The following FGGY variants were observed in gnomAD, a reference collection of about 807,000 sequenced individuals.
FGGY encodes the protein FGGY carbohydrate kinase domain containing.
In FGGY, 72 loss-of-function variants were observed where a neutral mutation model predicts 71.3. The ratio of observed to expected loss-of-function variants is 1.01; its 90% CI spans 0.84 to 1.23. FGGY has a LOEUF of 1.23. Among genes scored for constraint, FGGY ranks in the 50% most tolerant of loss-of-function variants. FGGY has a pLI of 0.00. For synonymous variants in FGGY, 251 were observed against 250.3 expected (o/e 1.00, Z -0.02); for missense variants, 668 against 682.3 (o/e 0.98, Z 0.23).
chr1:59,672,720 T>G (rs1196374077), intron 13 of FGGY, among the ~76,000 whole-genome samples: 1 of 152,176 alleles, frequency 6.6e-6, no homozygotes, highest in Non-Finnish European at 1.5e-5. Context: ...GAGAGTGTCT[T>G]CTCAGACAAG....
At chr1:59,449,036 A>G (rs929444448) in intron 5 of FGGY, among the ~76,000 whole-genome samples, 2 of 152,210 alleles carry the variant, frequency 1.3e-5, no homozygotes, top group Non-Finnish European at 2.9e-5. Flanking sequence ...CCTTGATTTC[A>G]TATACAGTTT....
Position 59,625,935 on chromosome 1 carries a change from T to G in FGGY, c.1012-53T>G, listed in dbSNP as rs1015382454. 2.3e-5 allele frequency: 32 copies of G among 1,402,426 alleles called. No individual in the cohort carries two copies. The African/African-American group carries it at 2.3e-4, about 10-fold the overall frequency. The allele number at this position is 1,402,426 out of a possible 1,614,324, so 86.9% of individuals were successfully genotyped here. ...TCATTTTAATATAAATTTTTCTATC[T>G]TATACATAAATTAAAGAAGCTATAA... On this transcript the variant is annotated intron_variant, in intron 9 of 15. Transcript: ENST00000303721.
intron 10 of FGGY, among the ~76,000 whole-genome samples, chr1:59,632,591 A>T (rs1251505766): frequency 6.6e-6 from 1 of 152,250 alleles, no homozygotes; most frequent in Non-Finnish European, 1.5e-5. Context: ...AGAAAGGGAA[A>T]AAAAGGACAA....
chr1:59,400,902 G>T (rs2061879418), intron 5 of FGGY, among the ~76,000 whole-genome samples: 1 of 152,000 alleles, frequency 6.6e-6, no homozygotes, highest in Non-Finnish European at 1.5e-5. Context: ...CTCTCAGAGT[G>T]CTTGGGATTA....
intron 6 of FGGY, among the ~76,000 whole-genome samples, chr1:59,508,586 CTTAGAGTGTGAT>C (rs1186580312): frequency 6.6e-6 from 1 of 152,172 alleles, no homozygotes; most frequent in African/African-American, 2.4e-5. Flanking sequence ...GGCTGATAAA[CTTAGAGTGTGAT>C]TTTGAAGGGG....
intron 14 of FGGY, among the ~76,000 whole-genome samples, chr1:59,730,956 T>G (rs2098019819): frequency 6.6e-6 from 1 of 152,148 alleles, no homozygotes; most frequent in East Asian, 1.9e-4. Context: ...CCCTGTTAAC[T>G]CACAGGTCAG....
chr1:59,384,639 T>C (rs1044967564), intron 5 of FGGY, among the ~76,000 whole-genome samples: 2 of 152,118 alleles, frequency 1.3e-5, no homozygotes, highest in African/African-American at 2.4e-5. Flanking sequence ...GGGAAATCCT[T>C]GTGGTCAGAC....
At chr1:59,389,241 C>A (rs972813860) in intron 5 of FGGY, among the ~76,000 whole-genome samples, 3 of 152,198 alleles carry the variant, frequency 2.0e-5, no homozygotes, top group African/African-American at 7.2e-5. Flanking sequence ...CCCTCCCTCT[C>A]CCCTCTTAAA....
In FGGY at chr1:59,441,150, A is replaced by C. The variant is rs536396930; in HGVS notation, c.555-15811A>C. On this transcript the variant is annotated intron_variant, in intron 5 of 15. Transcript: ENST00000303721. Reference sequence around the variant, plus strand: ...ATTTCCTCCATATGTCTATTTTCCCATCTACTCTCTGAGCTAATCAAGGGA... The same window carrying C: ...ATTTCCTCCATATGTCTATTTTCCCCTCTACTCTCTGAGCTAATCAAGGGA... Among the ~76,000 whole-genome samples, 181 of 152,176 alleles carry C rather than the reference A, an allele frequency of 1.2e-3. 1 individual carries two copies. The highest frequency in any genetic ancestry group is 3.4e-3 in the Middle Eastern group (1 of 294).
intron 5 of FGGY, among the ~76,000 whole-genome samples, chr1:59,427,842 G>C (rs1465361134): frequency 6.6e-6 from 1 of 152,152 alleles, no homozygotes; most frequent in Admixed American, 6.5e-5. Flanking sequence ...TCAGGGGCCA[G>C]GGTTGTCACT....
chr1:59,589,911 A>G (rs2096395166), intron 8 of FGGY, among the ~76,000 whole-genome samples: 1 of 152,164 alleles, frequency 6.6e-6, no homozygotes, highest in Admixed American at 6.5e-5. Context: ...TTCAAAAGCT[A>G]GCAGAAGGCA....
chr1:59,612,215 T>C (rs960517567), intron 9 of FGGY, among the ~76,000 whole-genome samples: 5 of 151,950 alleles, frequency 3.3e-5, no homozygotes, highest in African/African-American at 9.7e-5. Flanking sequence ...AAAGTTGAAA[T>C]GAAGGAAAAA....
chr1:59,347,471 G>A (rs981848473), intron 4 of FGGY, among the ~76,000 whole-genome samples: 3 of 151,948 alleles, frequency 2.0e-5, no homozygotes, highest in Non-Finnish European at 4.4e-5. Flanking sequence ...GTGTATATGT[G>A]CCACATTTTC....
chr1:59,655,590 G>A (rs1357055623), intron 11 of FGGY, among the ~76,000 whole-genome samples: 1 of 152,132 alleles, frequency 6.6e-6, no homozygotes, highest in African/African-American at 2.4e-5. Flanking sequence ...CCATGTCCCT[G>A]CAAAGGACAT....
intron 14 of FGGY, among the ~76,000 whole-genome samples, chr1:59,685,944 A>G (rs556182189): frequency 6.6e-6 from 1 of 152,332 alleles, no homozygotes; most frequent in African/African-American, 2.4e-5. Context: ...AAAGAATTAT[A>G]CCAATTCTTT....
chr1:59,551,360 T>C (rs1367230053), intron 7 of FGGY, among the ~76,000 whole-genome samples: 1 of 152,206 alleles, frequency 6.6e-6, no homozygotes, highest in Non-Finnish European at 1.5e-5. Context: ...TACACATTTC[T>C]TTTTCCTTCA....
intron 8 of FGGY, among the ~76,000 whole-genome samples, chr1:59,576,677 GACACACAC>G (rs57817494): frequency 4.5e-4 from 59 of 130,126 alleles, no homozygotes; most frequent in South Asian, 2.5e-3. Flanking sequence ...CAGACAGACA[GACACACAC>G]ACACACACAC....
chr1:59,495,599 GT>G (rs1208382447), intron 6 of FGGY, among the ~76,000 whole-genome samples: 4 of 151,858 alleles, frequency 2.6e-5, no homozygotes, highest in African/African-American at 9.7e-5. Flanking sequence ...TTCTTCTAGG[GT>G]TTTTATAGTT....
chr1:59,415,866 T>G (rs1219792035), intron 5 of FGGY, among the ~76,000 whole-genome samples: 1 of 152,236 alleles, frequency 6.6e-6, no homozygotes, highest in Non-Finnish European at 1.5e-5. Context: ...CAACTGACTG[T>G]GCTTTCTCCT....
Sources: allele counts gnomAD v4.1 joint callset (sites outside exome capture counted in the v4.1 genomes callset), GRCh38; gene constraint gnomAD v4.1.1; transcripts MANE v1.5; gene names NCBI Gene and HGNC (gene_info 2026-07-23, HGNC 2026-07-21).